Variants in MINDY1 observed in about 807,000 individuals in gnomAD.
The protein encoded by MINDY1 is MINDY lysine 48 deubiquitinase 1.
MINDY1 carries 50 observed loss-of-function variants against 53.6 expected under a neutral mutation model. The observed-to-expected ratio is 0.93, with a 90% CI of 0.74 to 1.18. MINDY1 has a LOEUF of 1.18. MINDY1 is among the 50% of genes most tolerant of loss of function. The probability of loss-of-function intolerance (pLI) is 0.00; values close to 1 mark genes in which losing one functional copy is unlikely to be tolerated. For synonymous variants in MINDY1, 231 were observed against 234.7 expected (o/e 0.98, Z 0.14); for missense variants, 484 against 578.6 (o/e 0.84, Z 1.68).
At chr1:151,003,457 G>C (rs967825536) in intron 1 of MINDY1, among the ~76,000 whole-genome samples, 1 of 152,138 alleles carries the variant, frequency 6.6e-6, no homozygotes, top group Non-Finnish European at 1.5e-5. Flanking sequence ...AATGTAGGTG[G>C]TGGGGGCTGG....
rs990805652 is a variant in MINDY1 at position 151,002,982 on chromosome 1, T to C, written c.-89-276A>G. ...GAGTCAGCTTCCCTGAAACAGATCA[T>C]GACAGGGAAGGGAGGAAAGACAGAG... is the stretch of plus-strand genomic sequence containing the variant. On this transcript the variant is annotated intron_variant, in intron 1 of 9. Coordinates refer to ENST00000683666, the MANE Select transcript of MINDY1 (RefSeq NM_001376665.1). This position sits in a 1 kb window ranked among gnomAD's most constrained non-coding sequence, Gnocchi z 4.1. 1.6e-6 allele frequency: 2 copies of C among 1,222,966 alleles called. No homozygotes were observed. Among genetic ancestry groups the C allele is most frequent in the African/African-American group, 3.1e-5 (2 of 64,686 alleles). 75.8% of individuals were successfully genotyped at this position (1,222,966 alleles called of 1,614,324 possible).
In MINDY1 at chr1:150,999,405, GA is replaced by G. The variant is rs1672271358; in HGVS notation, c.944del (p.Phe315SerfsTer9). On this transcript the variant is annotated frameshift_variant, in exon 7 of 10. Transcript: ENST00000683666. LOFTEE classifies it high-confidence loss of function. This position sits in a 1 kb window ranked among gnomAD's most constrained non-coding sequence, Gnocchi z 4.4. The part of the protein sequence containing the change: ...AAKEGELSVF[F>X]RNNHFSTMTK... ...TCATGGTGCTAAAGTGGTTGTTTCG[GA>G]AAAAGACGCTAAGTTCACCCTCCTT... The G allele has an allele frequency of 6.2e-7, 1 of 1,613,954 alleles. No individual in the cohort carries two copies. Among genetic ancestry groups the G allele is most frequent in the Non-Finnish European group, 8.5e-7 (1 of 1,180,020 alleles).
intron 4 of MINDY1, among the ~76,000 whole-genome samples, chr1:151,000,850 C>T (rs947230918): frequency 1.3e-5 from 2 of 152,140 alleles, no homozygotes; most frequent in Non-Finnish European, 2.9e-5. Flanking sequence ...GTGATCCTAG[C>T]TCACTGCAGC....
rs1295213554 is a variant in MINDY1, at chr1:151,000,571, A to G, written c.621T>C (p.Gly207=). The change falls in exon 5 of 10, where the codon GGT becomes GGC. Residue 207 remains glycine, a synonymous_variant. Transcript: ENST00000683666. ...CTGTGAATCGCACATTGACATCCAG[A>G]CCTGTGGCCAGTTTAGGCAGCACTG... ...AMTVLPKLAT[G]LDVNVRFTGV... The G allele has an allele frequency of 2.5e-6, 4 of 1,613,918 alleles. No homozygotes were observed. Among genetic ancestry groups the G allele is most frequent in the Non-Finnish European group, 3.4e-6 (4 of 1,179,986 alleles).
intron 9 of MINDY1, 117 bp downstream of exon 9, chr1:150,997,507 G>A: frequency 6.4e-7 from 1 of 1,569,900 alleles, no homozygotes; most frequent in East Asian, 2.3e-5. Context: ...GGACAGGCAG[G>A]GGAAGGACTC....
intron 1 of MINDY1, among the ~76,000 whole-genome samples, chr1:151,004,731 A>AAAAATAAAATAAAATAAAATAAAAT (rs139261422): frequency 1.5e-5 from 2 of 136,490 alleles, no homozygotes; most frequent in African/African-American, 5.5e-5. Context: ...ACTCCATCTC[A>AAAAATAAAATAAAATAAAATAAAAT]AAAATAAAAT....
intron 8 of MINDY1, 51 bp from the exon 9 acceptor site, chr1:150,997,830 T>C: frequency 6.4e-7 from 1 of 1,555,652 alleles, no homozygotes; most frequent in Non-Finnish European, 8.7e-7. Context: ...GCCGTGGCTA[T>C]TCAGGCAAGG....
chr1:151,006,167 GTC>G, intron 1 of MINDY1, 143 bp downstream of exon 1: 1 of 1,551,572 alleles, frequency 6.4e-7, no homozygotes, highest in Non-Finnish European at 8.7e-7. Context: ...CCCTTTACAT[GTC>G]TCTCCTGACT....
At chr1:151,003,958 T>C (rs1346654005) in intron 1 of MINDY1, among the ~76,000 whole-genome samples, 3 of 152,202 alleles carry the variant, frequency 2.0e-5, no homozygotes, top group African/African-American at 7.2e-5. Context: ...GTTTTGCTCT[T>C]GTTGCCTAGG....
chr1:150,998,043 A>T, intron 8 of MINDY1, 39 bp downstream of exon 8: 1 of 1,563,884 alleles, frequency 6.4e-7, no homozygotes, highest in Non-Finnish European at 8.6e-7. Flanking sequence ...TCTCTGAGGC[A>T]CATGTGCTCT....
At position 151,000,546 on chromosome 1, in the gene MINDY1, C is replaced by G; in HGVS notation, c.646G>C (p.Gly216Arg). ...GGTGTATACTCAAAATCAGAGACGC[C>G]TGTGAATCGCACATTGACATCCAGA... Reference protein sequence around the residue: ...TGLDVNVRFTGVSDFEYTPEC... With the variant: ...TGLDVNVRFTRVSDFEYTPEC... Residue 216 changes from glycine to arginine, a missense_variant, in exon 5 of 10, where the codon GGC (glycine) becomes CGC (arginine). Coordinates refer to ENST00000683666, the MANE Select transcript of MINDY1 (RefSeq NM_001376665.1). The G allele has an allele frequency of 1.9e-6, 3 of 1,614,106 alleles. No individual in the cohort carries two copies. The highest frequency in any genetic ancestry group is 2.5e-6 in the Non-Finnish European group (3 of 1,180,028).
chr1:150,999,218 G>A lies in MINDY1; in HGVS notation c.981+151C>T. 1 of 1,097,556 alleles carries A rather than the reference G, an allele frequency of 9.1e-7. No individual in the cohort carries two copies. Among genetic ancestry groups the A allele is most frequent in the Admixed American group, 2.1e-5 (1 of 47,202 alleles). The allele number at this position is 1,097,556 out of a possible 1,614,324, so 68.0% of individuals were successfully genotyped here. A position where few individuals can be genotyped will look rare whatever the true frequency, so the allele number is the denominator to read the frequency against. On this transcript the variant is annotated intron_variant, in intron 7 of 9. Coordinates refer to ENST00000683666, the MANE Select transcript of MINDY1 (RefSeq NM_001376665.1). The surrounding 1 kb of genome is among the most constrained non-coding windows in gnomAD (Gnocchi z 4.4). The stretch of plus-strand genomic sequence containing the variant: ...AGTCCACAGTGGACACGCACCAGGA[G>A]CGGGAAATGAACCTTTGTTGTGGTA...
At position 150,999,489 on chromosome 1, in the gene MINDY1, C is replaced by T; in HGVS notation, c.861G>A (p.Leu287=). 6.2e-7 allele frequency: 1 copy of T among 1,614,064 alleles called. No homozygotes were observed. Among genetic ancestry groups the T allele is most frequent in the Middle Eastern group, 1.7e-4 (1 of 6,034 alleles). The part of the protein sequence containing the change: ...VTEGLIAEQF[L]ETTAAQLTYH... Reference sequence around the variant, plus strand: ...AGGTCAGCTGGGCCGCGGTGGTCTCCAGGAACTGCTCTGCAATCAGGCCTG... The same window carrying T: ...AGGTCAGCTGGGCCGCGGTGGTCTCTAGGAACTGCTCTGCAATCAGGCCTG... The change falls in exon 7 of 10, where the codon CTG becomes CTA. Residue 287 remains leucine, a synonymous_variant. Coordinates refer to ENST00000683666, the MANE Select transcript of MINDY1 (RefSeq NM_001376665.1). The surrounding 1 kb of genome is among the most constrained non-coding windows in gnomAD (Gnocchi z 4.4).
At position 150,999,626 on chromosome 1, in the gene MINDY1, C is replaced by T. The variant is rs971199510; in HGVS notation, c.839-115G>A. Reference sequence around the variant, plus strand: ...CCGGGGGGTCAGTCCCACCTTCTGACGTCCCTTTCTTGAAACCTGGCTGTA... The same window carrying T: ...CCGGGGGGTCAGTCCCACCTTCTGATGTCCCTTTCTTGAAACCTGGCTGTA... On this transcript the variant is annotated intron_variant, in intron 6 of 9. Coordinates refer to ENST00000683666, the MANE Select transcript of MINDY1 (RefSeq NM_001376665.1). This position sits in a 1 kb window ranked among gnomAD's most constrained non-coding sequence, Gnocchi z 4.4. 72 of 1,378,330 alleles carry T rather than the reference C, an allele frequency of 5.2e-5. No individual in the cohort carries two copies. Among genetic ancestry groups the T allele is most frequent in the African/African-American group, 3.5e-4 (24 of 69,462 alleles). The allele number at this position is 1,378,330 out of a possible 1,614,324, so 85.4% of individuals were successfully genotyped here.
Position 150,997,781 on chromosome 1 carries a change from T to C in MINDY1, c.1174-2A>G. On this transcript the variant is annotated splice_acceptor_variant, in intron 8 of 9. Transcript: ENST00000683666. LOFTEE classifies it high-confidence loss of function. ...CAGGGACAGAGCAATCAGGTAGTCCTGGGGAGAACAAGAGTTGTGCAGTGG... is the reference window on the plus strand; with the variant it reads ...CAGGGACAGAGCAATCAGGTAGTCCCGGGGAGAACAAGAGTTGTGCAGTGG... 2 of 1,610,232 alleles carry C rather than the reference T, an allele frequency of 1.2e-6. No homozygotes were observed. The highest frequency in any genetic ancestry group is 1.1e-5 in the South Asian group (1 of 90,900).
Position 150,998,229 on chromosome 1 carries a change from C to T in MINDY1, c.1026G>A (p.Glu342=). The T allele has an allele frequency of 6.2e-7, 1 of 1,614,170 alleles. No homozygotes were observed. The highest frequency in any genetic ancestry group is 1.1e-5 in the South Asian group (1 of 91,088). The change falls in exon 8 of 10, where the codon GAG becomes GAA. Residue 342 remains glutamate (E), a synonymous_variant. Transcript: ENST00000683666. ...LLVTDQGFLQ[E]EQVVWESLHN... Reference sequence around the variant, plus strand: ...GCAGGCTCTCCCATACGACTTGCTCCTCCTGTAGAAAGCCCTGGTCAGTGA... The same window carrying T: ...GCAGGCTCTCCCATACGACTTGCTCTTCCTGTAGAAAGCCCTGGTCAGTGA...
In MINDY1 at chr1:151,006,820, G is replaced by C; in HGVS notation, c.-598C>G. On this transcript the variant is annotated 5_prime_UTR_variant, in exon 1 of 10. Coordinates refer to ENST00000683666, the MANE Select transcript of MINDY1 (RefSeq NM_001376665.1). The stretch of plus-strand genomic sequence containing the variant: ...CAGCTTTGTGATCAGCAGAGAGGGA[G>C]CGAGAAACAGGAGAGAAAAACAACA... The C allele has an allele frequency of 1.0e-6, 1 of 985,560 alleles. No individual in the cohort carries two copies. The highest frequency in any genetic ancestry group is 1.7e-5 in the African/African-American group (1 of 57,364). 61.1% of individuals were successfully genotyped at this position (985,560 alleles called of 1,614,324 possible).
intron 1 of MINDY1, 136 bp downstream of exon 1, chr1:151,006,176 G>T: frequency 6.4e-7 from 1 of 1,551,414 alleles, no homozygotes; most frequent in South Asian, 1.2e-5. Flanking sequence ...TGTCTCTCCT[G>T]ACTTAGCTCC....
At chr1:151,001,394 G>T in intron 3 of MINDY1, 80 bp from the exon 4 acceptor site, 1 of 1,453,422 alleles carries the variant, frequency 6.9e-7, no homozygotes, top group Non-Finnish European at 9.6e-7. Context: ...GAGAATGCGG[G>T]TAATGTCACA....
Sources: allele counts gnomAD v4.1 joint callset (sites outside exome capture counted in the v4.1 genomes callset), GRCh38; gene constraint gnomAD v4.1.1; non-coding constraint Gnocchi (gnomAD v3.1); transcripts MANE v1.5; gene names NCBI Gene and HGNC (gene_info 2026-07-23, HGNC 2026-07-21).